WASF3: variants seen among roughly 807,000 people sequenced by gnomAD.
WASF3 encodes WASP family member 3.
WASF3 carries 11 observed loss-of-function variants against 46.6 expected under a neutral mutation model. That is an observed-to-expected ratio of 0.24 (90% CI 0.15 to 0.39). The LOEUF is 0.39. WASF3 is among the 10% of genes least tolerant of loss of function. WASF3 has a pLI of 1.00. For missense variants in WASF3, 576 were observed against 669.8 expected (o/e 0.86, Z 1.55); for synonymous variants, 242 against 259.7 (o/e 0.93, Z 0.65).
At chr13:26,625,743 C>T (rs1157309205) in intron 2 of WASF3, among the ~76,000 whole-genome samples, 1 of 152,136 alleles carries the variant, frequency 6.6e-6, no homozygotes, top group Non-Finnish European at 1.5e-5. Flanking sequence ...ATCTCCTAGC[C>T]CAGTCAGCTT....
upstream of WASF3, among the ~76,000 whole-genome samples, chr13:26,554,337 C>T (rs1879054205): frequency 6.6e-6 from 1 of 151,852 alleles, no homozygotes; most frequent in Non-Finnish European, 1.5e-5. Context: ...CACTATATTG[C>T]CCAGGCTGGT....
In WASF3 at chr13:26,679,398, A is replaced by T. The variant is rs1338068704; in HGVS notation, c.717-1656A>T. Among the ~76,000 whole-genome samples, 1 of 151,990 alleles carries T rather than the reference A, an allele frequency of 6.6e-6. No individual in the cohort carries two copies. The highest frequency in any genetic ancestry group is 1.5e-5 in the Non-Finnish European group (1 of 67,998). The stretch of plus-strand genomic sequence containing the variant: ...TGCCCTGTAGAAATCTCTGGTTTCT[A>T]CTTCAGATATTTATCGAGTCTTCCT... On this transcript the variant is annotated intron_variant, in intron 7 of 9. Transcript: ENST00000335327. This position sits in a 1 kb window ranked among gnomAD's most constrained non-coding sequence, Gnocchi z 4.8.
At chr13:26,631,155 T>G (rs1424681539) in intron 2 of WASF3, among the ~76,000 whole-genome samples, 1 of 152,222 alleles carries the variant, frequency 6.6e-6, no homozygotes, top group African/African-American at 2.4e-5. Context: ...GCTCTTTAGT[T>G]TAATTAGATC....
rs1454612360 is a variant in WASF3, at chr13:26,667,712, G to C, written c.422+42G>C. ...CCCAGAGCCTCTCCTTGAGATGAGG[G>C]GAGAGCTGGGCAGAGCTGGGAGCAA... is the stretch of plus-strand genomic sequence containing the variant. On this transcript the variant is annotated intron_variant, in intron 5 of 9. Transcript: ENST00000335327. The C allele has an allele frequency of 3.8e-6, 6 of 1,589,638 alleles. No homozygotes were observed. The Admixed American group carries it at 5.2e-5, about 14-fold the overall frequency.
intron 1 of WASF3, among the ~76,000 whole-genome samples, chr13:26,580,354 A>G (rs1376505348): frequency 1.3e-5 from 2 of 152,178 alleles, no homozygotes; most frequent in African/African-American, 4.8e-5. Flanking sequence ...CTTAAAACAC[A>G]TACAGTTTTC....
intron 2 of WASF3, chr13:26,641,126 A>G (rs149672907): frequency 4.7e-4 from 71 of 152,192 alleles, no homozygotes; most frequent in African/African-American, 1.6e-3. Flanking sequence ...CCAAGTTCAA[A>G]TTCTTTAATT....
rs1340822729 is a variant in WASF3 at position 26,658,005 on chromosome 13, G to A, written c.134-7023G>A. Among the ~76,000 whole-genome samples, 3 of 152,130 alleles carry A rather than the reference G, an allele frequency of 2.0e-5. No homozygotes were observed. In the East Asian group the frequency reaches 5.8e-4, roughly 29 times the overall value. On this transcript the variant is annotated intron_variant, in intron 3 of 9. Transcript: ENST00000335327. Reference sequence around the variant, plus strand: ...GTTTTTCAAATAGGGTTAGGCATCGGACCTAGAAGCAAATGTTGCTTGTCC... The same window carrying A: ...GTTTTTCAAATAGGGTTAGGCATCGAACCTAGAAGCAAATGTTGCTTGTCC...
chr13:26,603,140 T>A (rs989113382), intron 1 of WASF3, among the ~76,000 whole-genome samples: 9 of 152,200 alleles, frequency 5.9e-5, no homozygotes, highest in African/African-American at 2.2e-4. Flanking sequence ...AGTGTGGAGC[T>A]GCAGGTATAA....
Position 26,682,891 on chromosome 13 carries a change from C to G in WASF3, c.1268C>G (p.Pro423Arg). 2 of 1,612,000 alleles carry G rather than the reference C, an allele frequency of 1.2e-6. No homozygotes were observed. Among genetic ancestry groups the G allele is most frequent in the Non-Finnish European group, 1.7e-6 (2 of 1,180,016 alleles). Residue 423 changes from proline to arginine, a missense_variant, in exon 9 of 10, where the codon CCA (proline) becomes CGA (arginine). By Grantham distance (103) the Pro-to-Arg change is moderately radical. Around this residue, in one of 3 missense-constraint regions of WASF3, gnomAD observed 295 missense variants for 291.5 expected, o/e 1.01. Transcript: ENST00000335327. This position sits in a 1 kb window ranked among gnomAD's most constrained non-coding sequence, Gnocchi z 4.4. The stretch of plus-strand genomic sequence containing the variant: ...TCGTCCTCCCCAATGCATGGCCCCC[C>G]AGTAGCTGAGGCGAAGCGGCAAGAG... Reference protein sequence around the residue: ...SLSSSPMHGPPVAEAKRQEPA... With the variant: ...SLSSSPMHGPRVAEAKRQEPA...
intron 1 of WASF3, among the ~76,000 whole-genome samples, chr13:26,598,445 G>T (rs985548792): frequency 3.3e-5 from 5 of 152,138 alleles, no homozygotes; most frequent in Non-Finnish European, 2.9e-5. Flanking sequence ...CTTTTGCTGT[G>T]CAGAAGCTCT....
At chr13:26,610,676 GGA>G (rs1880946682) in intron 1 of WASF3, among the ~76,000 whole-genome samples, 1 of 152,142 alleles carries the variant, frequency 6.6e-6, no homozygotes, top group Non-Finnish European at 1.5e-5. Flanking sequence ...TTCTGCTTCT[GGA>G]CAGTAGCCAC....
At chr13:26,562,310 C>A (rs930305653) in intron 1 of WASF3, among the ~76,000 whole-genome samples, 1 of 152,132 alleles carries the variant, frequency 6.6e-6, no homozygotes, top group Non-Finnish European at 1.5e-5. Context: ...TCCGAGGAAA[C>A]CTCAGCAGGC....
chr13:26,610,373 C>T (rs711220), intron 1 of WASF3, among the ~76,000 whole-genome samples: 2,077 of 152,242 alleles, frequency 0.014, 53 homozygotes, highest in African/African-American at 0.046. Context: ...ACTGGCCCCA[C>T]GGAATGCTAC....
rs896299610 is a variant in WASF3, at chr13:26,634,743, T to C, written c.-10-7518T>C. ...AAGGATTTTATTTCTCCTTCACTTATGAAGCTTAGTTTGGCTGGATATGAA... is the reference window on the plus strand; with the variant it reads ...AAGGATTTTATTTCTCCTTCACTTACGAAGCTTAGTTTGGCTGGATATGAA... On this transcript the variant is annotated intron_variant, in intron 2 of 9. Coordinates refer to ENST00000335327, the MANE Select transcript of WASF3 (RefSeq NM_006646.6). 3.3e-5 allele frequency among the ~76,000 whole-genome samples: 5 copies of C among 152,238 alleles called. No individual in the cohort carries two copies. In the East Asian group the frequency reaches 5.8e-4, roughly 18 times the overall value.
chr13:26,604,055 A>G (rs1880722352), intron 1 of WASF3, among the ~76,000 whole-genome samples: 1 of 152,208 alleles, frequency 6.6e-6, no homozygotes, highest in African/African-American at 2.4e-5. Flanking sequence ...AGAGTCAGTC[A>G]TAGAAGGAGT....
intron 1 of WASF3, among the ~76,000 whole-genome samples, chr13:26,592,426 T>A (rs1880331695): frequency 6.6e-6 from 1 of 152,188 alleles, no homozygotes; most frequent in South Asian, 2.1e-4. Flanking sequence ...TATTTTCTCA[T>A]AGTTCTGGAG....
At chr13:26,569,040 C>T (rs1256675199) in intron 1 of WASF3, among the ~76,000 whole-genome samples, 2 of 151,928 alleles carry the variant, frequency 1.3e-5, no homozygotes, top group Admixed American at 6.6e-5. Flanking sequence ...AAATTGCTGC[C>T]GTTTTAAATT....
rs994655577 is a variant in WASF3, at chr13:26,680,308, C to G, written c.717-746C>G. ...TGGCCACATGTCCTGTAACCTGAGC[C>G]AGGAGCGTGTGACTGTCTTACTAAC... On this transcript the variant is annotated intron_variant, in intron 7 of 9. Coordinates refer to ENST00000335327, the MANE Select transcript of WASF3 (RefSeq NM_006646.6). 23 of 1,317,856 alleles carry G rather than the reference C, an allele frequency of 1.7e-5. No individual in the cohort carries two copies. The African/African-American group carries it at 3.0e-4, about 17-fold the overall frequency. 81.6% of individuals were successfully genotyped at this position (1,317,856 alleles called of 1,614,324 possible).
At chr13:26,628,006 G>A (rs949280788) in intron 2 of WASF3, among the ~76,000 whole-genome samples, 1 of 152,108 alleles carries the variant, frequency 6.6e-6, no homozygotes, top group Non-Finnish European at 1.5e-5. Context: ...GAGAGTTGGA[G>A]GGAAGATGCT....
Sources: gnomAD v4.1 joint callset for allele counts (sites outside exome capture counted in the v4.1 genomes callset) on GRCh38, gnomAD v4.1.1 for gene constraint, gnomAD v4.1.1 regional missense constraint, Gnocchi (gnomAD v3.1) non-coding constraint, MANE v1.5 for transcripts, NCBI Gene and HGNC (gene_info 2026-07-23, HGNC 2026-07-21) for gene names.